The following SORBS2 variants were observed in gnomAD, a reference collection of about 807,000 sequenced individuals.
SORBS2 encodes the protein sorbin and SH3 domain-containing protein 2.
In SORBS2, 46 loss-of-function variants were observed where a neutral mutation model predicts 97.7. The observed-to-expected ratio is 0.47, with a 90% CI of 0.37 to 0.60. The LOEUF (loss-of-function observed/expected upper bound fraction) is 0.60. SORBS2 is among the 20% of genes least tolerant of loss of function. The pLI, the probability that SORBS2 is intolerant of heterozygous loss-of-function variation, is 0.00. For missense variants in SORBS2, 1,316 were observed against 1,282.3 expected, an observed-to-expected ratio of 1.03 and a Z score of -0.40; for synonymous variants, 476 against 473.4, an observed-to-expected ratio of 1.01 and a Z score of -0.07.
chr4:185,862,373 G>C (rs1462097615), intron 1 of SORBS2, among the ~76,000 whole-genome samples: 1 of 152,230 alleles, frequency 6.6e-6, no homozygotes, highest in African/African-American at 2.4e-5. Flanking sequence ...ACAGGTTGTA[G>C]AGGCATGAGA....
intron 2 of SORBS2, among the ~76,000 whole-genome samples, chr4:185,752,573 G>A (rs1254035959): frequency 6.6e-6 from 1 of 152,120 alleles, no homozygotes; most frequent in East Asian, 1.9e-4. Context: ...ACCGTGCCCA[G>A]CCCTGCAGCA....
At chr4:185,871,767 G>C (rs1434643228) in intron 1 of SORBS2, among the ~76,000 whole-genome samples, 1 of 152,162 alleles carries the variant, frequency 6.6e-6, no homozygotes, top group Non-Finnish European at 1.5e-5. Flanking sequence ...AAATACACCT[G>C]TTCCCTAATG....
chr4:185,919,446 T>C (rs2099259957), intron 1 of SORBS2: 1 of 152,160 alleles, frequency 6.6e-6, no homozygotes, highest in African/African-American at 2.4e-5. Context: ...ATAAATAAAC[T>C]CCTTGACTTT....
At chr4:185,708,370 G>A (rs2098378214) in intron 2 of SORBS2, among the ~76,000 whole-genome samples, 1 of 152,180 alleles carries the variant, frequency 6.6e-6, no homozygotes, top group Non-Finnish European at 1.5e-5. Context: ...AGCACAACCA[G>A]CGTTTGTTTA....
At chr4:185,759,157 T>C (rs562783037) in intron 2 of SORBS2, among the ~76,000 whole-genome samples, 3 of 152,280 alleles carry the variant, frequency 2.0e-5, no homozygotes, top group African/African-American at 4.8e-5. Context: ...GATGTCAGGA[T>C]TGCTAGGTTT....
chr4:185,816,237 G>A (rs1259398892), intron 1 of SORBS2, among the ~76,000 whole-genome samples: 3 of 150,514 alleles, frequency 2.0e-5, no homozygotes, highest in Non-Finnish European at 4.4e-5. Context: ...ACTGCTTGAA[G>A]CAATAGGTTC....
At chr4:185,720,232 T>A (rs1300689966) in intron 2 of SORBS2, among the ~76,000 whole-genome samples, 1 of 152,212 alleles carries the variant, frequency 6.6e-6, no homozygotes, top group Non-Finnish European at 1.5e-5. Flanking sequence ...GCAATACACA[T>A]CTTTTATGTT....
chr4:185,729,680 TC>T (rs1562161549), intron 2 of SORBS2, among the ~76,000 whole-genome samples: 1 of 152,272 alleles, frequency 6.6e-6, no homozygotes, highest in Admixed American at 6.5e-5. Context: ...TTCCTCTTTT[TC>T]TTTCTACTTA....
chr4:185,929,055 A>G (rs191037693), intron 1 of SORBS2, among the ~76,000 whole-genome samples: 36 of 152,350 alleles, frequency 2.4e-4, no homozygotes, highest in Admixed American at 1.8e-3. Flanking sequence ...TATCACAATT[A>G]TAGTGATATT....
rs767381355 is a variant in SORBS2 at position 185,635,332 on chromosome 4, AAG to A, written c.397-4736_397-4735del. ...CAGCCTCTAAGGGAGATATCTGAAA[AAG>A]AGAGAATAACGTGTTTTTACCTCAT... On this transcript the variant is annotated intron_variant, in intron 4 of 14. Coordinates refer to ENST00000418609, the Ensembl canonical transcript of SORBS2. The A allele has an allele frequency of 6.4e-6, 10 of 1,562,874 alleles. No homozygotes were observed. The African/African-American group carries it at 1.2e-4, about 19-fold the overall frequency.
intron 4 of SORBS2, chr4:185,666,215 G>C: frequency 8.0e-7 from 1 of 1,252,486 alleles, no homozygotes; most frequent in Non-Finnish European, 1.0e-6. Flanking sequence ...AGCTGAGTAT[G>C]AGGAAAAAAT....
At chr4:185,876,455 C>T (rs944202155) in intron 1 of SORBS2, among the ~76,000 whole-genome samples, 10 of 152,136 alleles carry the variant, frequency 6.6e-5, no homozygotes, top group Admixed American at 2.0e-4. Context: ...AAATGCCTCA[C>T]CCCCAAAATG....
chr4:185,954,230 C>T (rs1415860823), intron 1 of SORBS2, among the ~76,000 whole-genome samples: 1 of 152,134 alleles, frequency 6.6e-6, no homozygotes, highest in Non-Finnish European at 1.5e-5. Context: ...CTCCCTGTGA[C>T]CATCTGATTA....
rs28403901 is a variant in SORBS2, at chr4:185,626,559, A to C, written c.634+273T>G. 0.023 allele frequency among the ~76,000 whole-genome samples: 3,428 copies of C among 152,306 alleles called. 130 individuals are homozygous for C. The highest frequency in any genetic ancestry group is 0.077 in the African/African-American group (3,211 of 41,548). The stretch of plus-strand genomic sequence containing the variant: ...ACATCTTTTAGTAGCCTGATGATAC[A>C]TTATTTGATACTTTCAATTTGTTTA... On this transcript the variant is annotated intron_variant, in intron 6 of 14. Transcript: ENST00000418609.
At chr4:185,771,645 G>A (rs1434289498) in intron 2 of SORBS2, 1 of 152,164 alleles carries the variant, frequency 6.6e-6, no homozygotes, top group Non-Finnish European at 1.5e-5. Flanking sequence ...ATGAAAGTCT[G>A]TTTTATTGAA....
chr4:185,751,190 A>AAAAAAAAAAAAGAG, intron 2 of SORBS2, among the ~76,000 whole-genome samples: 2 of 86,424 alleles, frequency 2.3e-5, no homozygotes, highest in African/African-American at 4.1e-5. Flanking sequence ...AAAAAAAAAA[A>AAAAAAAAAAAAGAG]AGAGAAAGAG....
intron 1 of SORBS2, among the ~76,000 whole-genome samples, chr4:185,820,778 A>T (rs2099196319): frequency 6.6e-6 from 1 of 152,102 alleles, no homozygotes; most frequent in Non-Finnish European, 1.5e-5. Context: ...TATTTACTTA[A>T]TCTCTGTCTG....
chr4:185,677,153 T>C, intron 4 of SORBS2: 1 of 1,551,668 alleles, frequency 6.4e-7, no homozygotes. Flanking sequence ...TGGAAAGAGA[T>C]GCTGTGTGTG....
chr4:185,783,896 C>T (rs1183460244), intron 1 of SORBS2, among the ~76,000 whole-genome samples: 2 of 152,188 alleles, frequency 1.3e-5, no homozygotes, highest in Non-Finnish European at 2.9e-5. Flanking sequence ...TTCCCATATT[C>T]ATTACTCTGT....
Sources: gnomAD v4.1 joint callset for allele counts (sites outside exome capture counted in the v4.1 genomes callset) on GRCh38, gnomAD v4.1.1 for gene constraint, MANE v1.5 for transcripts, NCBI Gene and HGNC (gene_info 2026-07-23, HGNC 2026-07-21) for gene names.